PAWR: variants seen among roughly 807,000 people sequenced by gnomAD.
PAWR encodes PRKC apoptosis WT1 regulator protein.
A neutral mutation model predicts 32.0 loss-of-function variants in PAWR; 23 were observed. The ratio of observed to expected loss-of-function variants is 0.72; its 90% CI spans 0.52 to 1.02. The LOEUF is 1.02. Ranked by LOEUF, PAWR falls within the 50% of genes least tolerant of loss-of-function variation. The pLI is 0.00. For synonymous variants in PAWR, 226 were observed against 187.1 expected (o/e 1.21, Z -1.70); for missense variants, 457 against 437.7 (o/e 1.04, Z -0.39).
At chr12:79,678,717 T>C (rs1297877902) in intron 2 of PAWR, among the ~76,000 whole-genome samples, 1 of 152,234 alleles carries the variant, frequency 6.6e-6, no homozygotes, top group Admixed American at 6.5e-5. Context: ...TTCTGTGCCT[T>C]TGCACGTGCT....
chr12:79,625,797 GC>G (rs1875271163), intron 2 of PAWR, among the ~76,000 whole-genome samples: 1 of 151,840 alleles, frequency 6.6e-6, no homozygotes, highest in South Asian at 2.1e-4. Flanking sequence ...TCCAGCCTGG[GC>G]GACAGAGTGA....
At chr12:79,687,614 A>G (rs548753526) in intron 2 of PAWR, among the ~76,000 whole-genome samples, 52 of 152,262 alleles carry the variant, frequency 3.4e-4, no homozygotes, top group South Asian at 8.3e-4. Flanking sequence ...CAAAATATGT[A>G]TGACTTTTTA....
chr12:79,655,580 A>G (rs1472003510), intron 2 of PAWR, among the ~76,000 whole-genome samples: 2 of 152,222 alleles, frequency 1.3e-5, no homozygotes, highest in East Asian at 3.8e-4. Context: ...ATAAACTTAG[A>G]GCATGCCTTC....
intron 2 of PAWR, among the ~76,000 whole-genome samples, chr12:79,659,990 A>AT (rs1037253165): frequency 1.3e-5 from 2 of 152,254 alleles, no homozygotes; most frequent in Non-Finnish European, 2.9e-5. Flanking sequence ...GCTGCAGGAA[A>AT]TAATAGTAAA....
chr12:79,598,076 G>C (rs1361691254), intron 4 of PAWR: 2 of 152,250 alleles, frequency 1.3e-5, no homozygotes, highest in African/African-American at 4.8e-5. Context: ...CAAACTGACA[G>C]AGCAACTGAG....
intron 2 of PAWR, among the ~76,000 whole-genome samples, chr12:79,640,498 T>C (rs922168446): frequency 6.6e-6 from 1 of 152,166 alleles, no homozygotes; most frequent in Non-Finnish European, 1.5e-5. Context: ...CCCAGCACTT[T>C]GGGAGGCCAA....
At chr12:79,646,273 T>A (rs1285176748) in intron 2 of PAWR, among the ~76,000 whole-genome samples, 1 of 152,150 alleles carries the variant, frequency 6.6e-6, no homozygotes, top group African/African-American at 2.4e-5. Context: ...GTAGTAGTAC[T>A]AAGGACACTC....
At chr12:79,627,882 A>C (rs953677451) in intron 2 of PAWR, among the ~76,000 whole-genome samples, 1 of 152,204 alleles carries the variant, frequency 6.6e-6, no homozygotes, top group African/African-American at 2.4e-5. Flanking sequence ...CCCCACTGTC[A>C]ACATTAGACA....
In PAWR at chr12:79,585,289, T is replaced by C. The variant is rs777086801; in HGVS notation, c.*7318A>G. On this transcript the variant is annotated 3_prime_UTR_variant, in exon 7 of 7. Coordinates refer to ENST00000328827, the MANE Select transcript of PAWR (RefSeq NM_002583.4). ...CAAAAACTTAGGCCTGCATCAAAATTACATGAAGCGCTTGTTAAAACAGAT... is the reference window on the plus strand; with the variant it reads ...CAAAAACTTAGGCCTGCATCAAAATCACATGAAGCGCTTGTTAAAACAGAT... 20 of 312,028 alleles carry C rather than the reference T, an allele frequency of 6.4e-5. No individual in the cohort carries two copies. The highest frequency in any genetic ancestry group is 1.1e-4 in the Non-Finnish European group (18 of 162,428). The allele number at this position is 312,028 out of a possible 1,614,324, so 19.3% of individuals were successfully genotyped here. A position where few individuals can be genotyped will look rare whatever the true frequency, so the allele number is the denominator to read the frequency against.
chr12:79,665,853 C>G (rs767960674), intron 2 of PAWR, among the ~76,000 whole-genome samples: 1 of 152,102 alleles, frequency 6.6e-6, no homozygotes, highest in Non-Finnish European at 1.5e-5. Context: ...CTCAATATCC[C>G]GTAACAGAGC....
intron 2 of PAWR, among the ~76,000 whole-genome samples, chr12:79,625,655 C>T (rs1319220240): frequency 6.6e-6 from 1 of 152,038 alleles, no homozygotes; most frequent in African/African-American, 2.4e-5. Flanking sequence ...CCTGCCTCTA[C>T]TAAAAATACA....
At chr12:79,671,016 C>G (rs574848835) in intron 2 of PAWR, among the ~76,000 whole-genome samples, 10 of 149,072 alleles carry the variant, frequency 6.7e-5, no homozygotes, top group Admixed American at 6.1e-4. Flanking sequence ...TAGCCAGGCA[C>G]AGTAGCACGA....
At chr12:79,595,067 AT>A (rs1245001026) in intron 5 of PAWR, among the ~76,000 whole-genome samples, 1 of 152,056 alleles carries the variant, frequency 6.6e-6, no homozygotes, top group Admixed American at 6.6e-5. Flanking sequence ...GAACTACCTT[AT>A]TTTTTAATGG....
chr12:79,635,329 A>T (rs767845015), intron 2 of PAWR, among the ~76,000 whole-genome samples: 2 of 152,026 alleles, frequency 1.3e-5, no homozygotes, highest in Non-Finnish European at 2.9e-5. Context: ...TAATACCTAA[A>T]AGGTATTATG....
At chr12:79,593,452 C>G (rs1043462450) in intron 6 of PAWR, among the ~76,000 whole-genome samples, 4 of 151,978 alleles carry the variant, frequency 2.6e-5, no homozygotes, top group Admixed American at 2.0e-4. Context: ...AACAAATTCA[C>G]CATAAGTTTT....
At chr12:79,668,711 G>C (rs183715537) in intron 2 of PAWR, among the ~76,000 whole-genome samples, 6 of 152,308 alleles carry the variant, frequency 3.9e-5, no homozygotes, top group African/African-American at 1.2e-4. Context: ...AGGCAGTAAT[G>C]CAAGCGATGG....
At chr12:79,676,935 T>C (rs1452718019) in intron 2 of PAWR, among the ~76,000 whole-genome samples, 1 of 152,212 alleles carries the variant, frequency 6.6e-6, no homozygotes, top group East Asian at 1.9e-4. Flanking sequence ...ATCTCTCAAA[T>C]ATCTGTACTA....
chr12:79,660,098 C>A (rs935701243), intron 2 of PAWR, among the ~76,000 whole-genome samples: 4 of 152,186 alleles, frequency 2.6e-5, no homozygotes, highest in African/African-American at 9.7e-5. Flanking sequence ...AAGCAGTGAG[C>A]AAACATACCA....
At chr12:79,685,065 C>T (rs1185313321) in intron 2 of PAWR, among the ~76,000 whole-genome samples, 1 of 152,142 alleles carries the variant, frequency 6.6e-6, no homozygotes, top group Non-Finnish European at 1.5e-5. Flanking sequence ...ATAAGCACAC[C>T]ATAAATGTCA....
Sources: gnomAD v4.1 joint callset for allele counts (sites outside exome capture counted in the v4.1 genomes callset) on GRCh38, gnomAD v4.1.1 for gene constraint, MANE v1.5 for transcripts, NCBI Gene and HGNC (gene_info 2026-07-23, HGNC 2026-07-21) for gene names.